ZNF644: variants seen among roughly 807,000 people sequenced by gnomAD.
The protein encoded by ZNF644 is zinc finger motif enhancer binding protein 2.
A neutral mutation model predicts 108.0 loss-of-function variants in ZNF644; 20 were observed. The observed-to-expected ratio is 0.19, with a 90% CI of 0.13 to 0.27. The LOEUF (loss-of-function observed/expected upper bound fraction) is 0.27, where lower values mean the gene tolerates loss of function less well. Ranked by LOEUF, ZNF644 falls within the 10% of genes least tolerant of loss-of-function variation. The pLI, the probability that ZNF644 is intolerant of heterozygous loss-of-function variation, is 1.00. For synonymous variants in ZNF644, 542 were observed against 539.1 expected (o/e 1.01, Z -0.08); for missense variants, 1,338 against 1,548.9 (o/e 0.86, Z 2.29).
At chr1:90,953,179 C>G (rs965271066) in intron 2 of ZNF644, among the ~76,000 whole-genome samples, 2 of 152,134 alleles carry the variant, frequency 1.3e-5, no homozygotes, top group African/African-American at 2.4e-5. Context: ...CATCTCCCCC[C>G]CTCATTAAAA....
At chr1:90,919,252 G>A (rs900317610) in intron 4 of ZNF644, among the ~76,000 whole-genome samples, 1 of 152,032 alleles carries the variant, frequency 6.6e-6, no homozygotes, top group Non-Finnish European at 1.5e-5. Flanking sequence ...GGGATCCAAG[G>A]GGGGAGGGAT....
rs1324098297 is a variant in ZNF644, at chr1:90,915,532, G to C, written c.*1266C>G. On this transcript the variant is annotated 3_prime_UTR_variant, in exon 6 of 6. Coordinates refer to ENST00000337393, the MANE Select transcript of ZNF644 (RefSeq NM_201269.3). The stretch of plus-strand genomic sequence containing the variant: ...AAATGGTGCTTGCATACAAAAACTT[G>C]TTGTTTGTAAAGGAATCTGATTTCA... 1 of 152,602 alleles carries C rather than the reference G, an allele frequency of 6.6e-6. No individual in the cohort carries two copies. Among genetic ancestry groups the C allele is most frequent in the East Asian group, 1.9e-4 (1 of 5,178 alleles). The allele number at this position is 152,602 out of a possible 1,614,324, so 9.5% of individuals were successfully genotyped here.
chr1:90,943,084 T>C (rs889747927), intron 2 of ZNF644, among the ~76,000 whole-genome samples: 48 of 152,224 alleles, frequency 3.2e-4, no homozygotes, highest in Admixed American at 1.6e-3. Context: ...TCAATATTTC[T>C]ACTATCCTTT....
chr1:90,931,900 A>G (rs1431061831), intron 4 of ZNF644, among the ~76,000 whole-genome samples: 1 of 152,142 alleles, frequency 6.6e-6, no homozygotes, highest in African/African-American at 2.4e-5. Flanking sequence ...TCCTTTCTCA[A>G]TTTGCCATCA....
chr1:90,935,373 CA>C, intron 4 of ZNF644: 1 of 985,786 alleles, frequency 1.0e-6, no homozygotes, highest in Non-Finnish European at 1.2e-6. Context: ...TGTATTGTAT[CA>C]AACAGACTTG....
intron 1 of ZNF644, among the ~76,000 whole-genome samples, chr1:91,002,266 T>G (rs1658925094): frequency 6.6e-6 from 1 of 152,152 alleles, no homozygotes; most frequent in Non-Finnish European, 1.5e-5. Flanking sequence ...TCACGCTACC[T>G]GACTTCAAAC....
chr1:90,994,119 T>C (rs1657898917), intron 1 of ZNF644, among the ~76,000 whole-genome samples: 1 of 152,134 alleles, frequency 6.6e-6, no homozygotes, highest in African/African-American at 2.4e-5. Flanking sequence ...CAAAAACTAT[T>C]GGGAAAGTGT....
intron 1 of ZNF644, among the ~76,000 whole-genome samples, chr1:91,000,011 A>G (rs1458273629): frequency 2.0e-5 from 3 of 152,242 alleles, no homozygotes; most frequent in African/African-American, 7.2e-5. Flanking sequence ...ATATGCACCC[A>G]ATACAGGAGC....
intron 1 of ZNF644, among the ~76,000 whole-genome samples, chr1:91,017,787 C>T (rs1373171736): frequency 6.6e-6 from 1 of 152,052 alleles, no homozygotes; most frequent in East Asian, 1.9e-4. Flanking sequence ...CATGATGAAA[C>T]CCCATCTCTA....
chr1:90,979,342 G>T (rs538128079), intron 2 of ZNF644, among the ~76,000 whole-genome samples: 1 of 151,934 alleles, frequency 6.6e-6, no homozygotes, highest in Non-Finnish European at 1.5e-5. Flanking sequence ...GTGTGGTGTC[G>T]CATGCCTGTA....
Position 90,938,487 on chromosome 1 carries a change from G to A in ZNF644, c.2867C>T (p.Thr956Ile), listed in dbSNP as rs1050960158. The A allele has an allele frequency of 6.2e-7, 1 of 1,613,866 alleles. No individual in the cohort carries two copies. The highest frequency in any genetic ancestry group is 8.5e-7 in the Non-Finnish European group (1 of 1,179,926). Residue 956 changes from threonine (T) to isoleucine (I), a missense_variant, in exon 3 of 6, where the codon ACT becomes ATT. Physicochemically the swap from Thr to Ile is moderately conservative, Grantham distance 89. Transcript: ENST00000337393. The surrounding 1 kb of genome is among the most constrained non-coding windows in gnomAD (Gnocchi z 4.2). Reference sequence around the variant, plus strand: ...CGATTTCTTCTCAAGAGACAAATCAGTCCAATGAAAAACAGAACTATGCTT... The same window carrying A: ...CGATTTCTTCTCAAGAGACAAATCAATCCAATGAAAAACAGAACTATGCTT... ...LSKHSSVFHW[T>I]DLSLEKKSCP...
intron 2 of ZNF644, among the ~76,000 whole-genome samples, chr1:90,952,278 T>C (rs1165207154): frequency 2.0e-5 from 3 of 152,150 alleles, no homozygotes; most frequent in Admixed American, 6.5e-5. Context: ...ACAAAGATTC[T>C]GAAGAAATGA....
intron 4 of ZNF644, among the ~76,000 whole-genome samples, chr1:90,934,552 C>T (rs1379958238): frequency 6.6e-6 from 1 of 152,036 alleles, no homozygotes; most frequent in Non-Finnish European, 1.5e-5. Flanking sequence ...AAGTGCAAAG[C>T]ATTTTGTAGG....
At position 90,940,243 on chromosome 1, in the gene ZNF644, C is replaced by T. The variant is rs1277080513; in HGVS notation, c.1111G>A (p.Gly371Arg). 6.2e-7 allele frequency: 1 copy of T among 1,613,980 alleles called. No individual in the cohort carries two copies. Reference protein sequence around the residue: ...QHLIYNPDKCGEESSPVHTST... With the variant: ...QHLIYNPDKCREESSPVHTST... The stretch of plus-strand genomic sequence containing the variant: ...GTATGAACAGGTGAACTCTCTTCTC[C>T]ACACTTATCTGGGTTATAAATTAGA... The change falls in exon 3 of 6, where the codon GGA (glycine) becomes AGA (arginine). Residue 371 changes from glycine to arginine, a missense_variant. Gly to Arg is a moderately radical substitution (Grantham distance 125). This residue lies in a region of ZNF644 where 464 missense variants were observed against 457.9 expected (regional missense o/e 1.01). Transcript: ENST00000337393.
intron 4 of ZNF644, among the ~76,000 whole-genome samples, chr1:90,925,707 T>C (rs1044281836): frequency 6.6e-6 from 1 of 150,650 alleles, no homozygotes; most frequent in Non-Finnish European, 1.5e-5. Context: ...TCAGTCAAAA[T>C]AGATCACCTT....
chr1:90,935,061 C>T (rs475499), intron 4 of ZNF644, among the ~76,000 whole-genome samples: 20,571 of 151,804 alleles, frequency 0.14, 1,445 homozygotes, highest in South Asian at 0.16. Flanking sequence ...CCACTGAGCC[C>T]GACTAGAACT....
chr1:90,924,461 C>A (rs1439033094), intron 4 of ZNF644, among the ~76,000 whole-genome samples: 6 of 152,092 alleles, frequency 3.9e-5, no homozygotes, highest in Admixed American at 3.9e-4. Context: ...TCTAAAATCT[C>A]CGTATTTCTG....
chr1:90,991,420 G>C (rs1198845151), intron 1 of ZNF644, among the ~76,000 whole-genome samples: 1 of 152,176 alleles, frequency 6.6e-6, no homozygotes, highest in African/African-American at 2.4e-5. Context: ...TCATGGAGTG[G>C]AAACTCCTAG....
intron 2 of ZNF644, among the ~76,000 whole-genome samples, chr1:90,964,130 A>T (rs1442393681): frequency 6.6e-6 from 1 of 152,166 alleles, no homozygotes; most frequent in African/African-American, 2.4e-5. Flanking sequence ...TATCTTTAAA[A>T]GGGCTGCTTG....
Sources: allele counts gnomAD v4.1 joint callset (sites outside exome capture counted in the v4.1 genomes callset), GRCh38; gene constraint gnomAD v4.1.1; regional missense constraint gnomAD v4.1.1; non-coding constraint Gnocchi (gnomAD v3.1); transcripts MANE v1.5; gene names NCBI Gene and HGNC (gene_info 2026-07-23, HGNC 2026-07-21).